Variants in NRG2 observed in about 807,000 individuals in gnomAD.
NRG2 encodes pro-neuregulin-2, membrane-bound isoform.
A neutral mutation model predicts 73.9 loss-of-function variants in NRG2; 27 were observed. The ratio of observed to expected loss-of-function variants is 0.37; its 90% confidence interval spans 0.27 to 0.50. The LOEUF (loss-of-function observed/expected upper bound fraction) is 0.50. Ranked by LOEUF, NRG2 falls within the 20% of genes least tolerant of loss-of-function variation. NRG2 has a pLI of 0.96. For missense variants in NRG2, 1,126 were observed against 1,210.1 expected (o/e 0.93, Z 1.03); for synonymous variants, 532 against 541.0 (o/e 0.98, Z 0.23).
At chr5:140,025,812 G>A (rs777209679) in intron 1 of NRG2, among the ~76,000 whole-genome samples, 4 of 152,208 alleles carry the variant, frequency 2.6e-5, no homozygotes, top group Non-Finnish European at 5.9e-5. Flanking sequence ...AAAAGATAAA[G>A]AAGATACATC....
chr5:139,861,785 T>C (rs751186787), intron 5 of NRG2: 2 of 513,372 alleles, frequency 3.9e-6, no homozygotes, highest in Non-Finnish European at 7.8e-6. Flanking sequence ...CACCTCTCAC[T>C]GAGTAGTTAA....
At chr5:139,939,575 A>C (rs993876049) in intron 1 of NRG2, among the ~76,000 whole-genome samples, 1 of 152,122 alleles carries the variant, frequency 6.6e-6, no homozygotes, top group African/African-American at 2.4e-5. Flanking sequence ...ACATCTGGCC[A>C]GATTTCTTAA....
chr5:140,011,418 G>A (rs529249703), intron 1 of NRG2, among the ~76,000 whole-genome samples: 2 of 152,278 alleles, frequency 1.3e-5, no homozygotes, highest in African/African-American at 4.8e-5. Flanking sequence ...AGTGTGGGCT[G>A]GACCTACTGA....
rs962464140 is a variant in NRG2 at position 139,915,594 on chromosome 5, T to C, written c.701-28083A>G. Among the ~76,000 whole-genome samples the C allele has an allele frequency of 6.6e-6, 1 of 152,220 alleles. No homozygotes were observed. Among genetic ancestry groups the C allele is most frequent in the African/African-American group, 2.4e-5 (1 of 41,456 alleles). On this transcript the variant is annotated intron_variant, in intron 1 of 9. Coordinates refer to ENST00000361474, the MANE Select transcript of NRG2 (RefSeq NM_004883.3). The surrounding 1 kb of genome is among the most constrained non-coding windows in gnomAD (Gnocchi z 4.0). ...TTCCCAGTACTGCACTCTGACCAGG[T>C]GTCAGGCTGCACTGCCTGATCTACA...
At chr5:139,958,500 T>C (rs904402895) in intron 1 of NRG2, among the ~76,000 whole-genome samples, 1 of 152,224 alleles carries the variant, frequency 6.6e-6, no homozygotes, top group African/African-American at 2.4e-5. Context: ...AAGGAAAACA[T>C]AACTATGTTG....
Position 139,904,269 on chromosome 5 carries a change from A to G in NRG2, c.701-16758T>C. The G allele has an allele frequency of 2.5e-6, 4 of 1,576,886 alleles. No individual in the cohort carries two copies. Among genetic ancestry groups the G allele is most frequent in the Non-Finnish European group, 3.4e-6 (4 of 1,170,218 alleles). ...GGTGAGCGGGCGGCAGGTTTCTCCC[A>G]GGGAAACCGGGTTTCTGGGCGCGCG... On this transcript the variant is annotated intron_variant, in intron 1 of 9. Coordinates refer to ENST00000361474, the MANE Select transcript of NRG2 (RefSeq NM_004883.3). This position sits in a 1 kb window ranked among gnomAD's most constrained non-coding sequence, Gnocchi z 6.0.
intron 5 of NRG2, 87 bp from the exon 6 acceptor site, chr5:139,855,865 C>A: frequency 9.9e-7 from 1 of 1,015,102 alleles, no homozygotes; most frequent in South Asian, 1.3e-5. Flanking sequence ...CCCCCAAAGC[C>A]ATAGGCTCTC....
intron 3 of NRG2, among the ~76,000 whole-genome samples, chr5:139,878,281 C>T (rs533626620): frequency 6.6e-6 from 1 of 152,372 alleles, no homozygotes; most frequent in South Asian, 2.1e-4. Flanking sequence ...GCAAAGATGG[C>T]CCCACCCTCC....
At chr5:139,927,410 A>C (rs1752137789) in intron 1 of NRG2, among the ~76,000 whole-genome samples, 1 of 151,774 alleles carries the variant, frequency 6.6e-6, no homozygotes, top group African/African-American at 2.4e-5. Context: ...CCCTTCCCCC[A>C]CTGCACTTAA....
rs1194987640 is a variant in NRG2 at position 139,848,602 on chromosome 5, G to T, written c.1868C>A (p.Pro623His). 6.3e-7 allele frequency: 1 copy of T among 1,576,064 alleles called. No homozygotes were observed. ...CAGCGACACGGCGTGCGCCGAGTTG[G>T]GGGACGTGATCTCGAAAGTTGGCAC... Reference protein sequence around the residue: ...TQVPTFEITSPNSAHAVSLPP... With the variant: ...TQVPTFEITSHNSAHAVSLPP... The change falls in exon 10 of 10, where the codon CCC (proline) becomes CAC (histidine). Residue 623 changes from proline to histidine, a missense_variant. Transcript: ENST00000361474.
At chr5:139,859,852 C>T (rs761852998) in intron 5 of NRG2, 16 of 1,609,292 alleles carry the variant, frequency 9.9e-6, no homozygotes, top group South Asian at 8.9e-5. Context: ...AGAGGGGCCA[C>T]GCAGATGGTG....
Position 139,851,764 on chromosome 5 carries a change from T to C in NRG2, c.1612A>G (p.Met538Val), listed in dbSNP as rs996667373. Reference sequence around the variant, plus strand: ...TTGCTGGTACCCACTGATGATAGCATGATCCCCGACTGGGAGTCAGAAGTC... The same window carrying C: ...TTGCTGGTACCCACTGATGATAGCACGATCCCCGACTGGGAGTCAGAAGTC... ...SLTSDSQSGI[M>V]LSSVGTSKCN... Residue 538 changes from methionine to valine, a missense_variant, in exon 9 of 10, where the codon ATG becomes GTG. Met to Val is a conservative substitution (Grantham distance 21, BLOSUM62 1). Coordinates refer to ENST00000361474, the MANE Select transcript of NRG2 (RefSeq NM_004883.3). The surrounding 1 kb of genome is among the most constrained non-coding windows in gnomAD (Gnocchi z 4.2). 6.2e-7 allele frequency: 1 copy of C among 1,614,248 alleles called. No homozygotes were observed. The highest frequency in any genetic ancestry group is 1.3e-5 in the African/African-American group (1 of 75,058).
intron 1 of NRG2, among the ~76,000 whole-genome samples, chr5:139,940,132 A>T (rs1435213449): frequency 1.3e-5 from 2 of 152,234 alleles, no homozygotes; most frequent in Non-Finnish European, 2.9e-5. Flanking sequence ...GAACATGTCC[A>T]CACAAAGATT....
At chr5:139,997,114 C>A (rs1266981040) in intron 1 of NRG2, among the ~76,000 whole-genome samples, 6 of 151,960 alleles carry the variant, frequency 3.9e-5, no homozygotes, top group Non-Finnish European at 8.8e-5. Context: ...TGCACACCAG[C>A]CTGGGCAACC....
At chr5:139,929,525 C>T (rs963745576) in intron 1 of NRG2, among the ~76,000 whole-genome samples, 1 of 152,044 alleles carries the variant, frequency 6.6e-6, no homozygotes, top group Non-Finnish European at 1.5e-5. Flanking sequence ...CTAGGGGATG[C>T]AAGAGAATAG....
Position 139,865,480 on chromosome 5 carries a change from T to C in NRG2, c.1189+69A>G. ...AACCAACACCCCTGGCCCTATGCCC[T>C]ACATTGGGGGGACTGCACCCAGAAG... On this transcript the variant is annotated intron_variant, in intron 5 of 9. Coordinates refer to ENST00000361474, the MANE Select transcript of NRG2 (RefSeq NM_004883.3). This position sits in a 1 kb window ranked among gnomAD's most constrained non-coding sequence, Gnocchi z 5.2. 8.4e-7 allele frequency: 1 copy of C among 1,187,608 alleles called. No homozygotes were observed. Among genetic ancestry groups the C allele is most frequent in the African/African-American group, 1.5e-5 (1 of 65,638 alleles). 73.6% of individuals were successfully genotyped at this position (1,187,608 alleles called of 1,614,324 possible).
chr5:139,911,247 A>C (rs1750796602), intron 1 of NRG2, among the ~76,000 whole-genome samples: 2 of 152,110 alleles, frequency 1.3e-5, no homozygotes, highest in South Asian at 4.1e-4. Context: ...CCCTTGGGTA[A>C]GTACTTTTCT....
At chr5:139,913,421 G>A (rs993855335) in intron 1 of NRG2, among the ~76,000 whole-genome samples, 1 of 152,172 alleles carries the variant, frequency 6.6e-6, no homozygotes, top group Non-Finnish European at 1.5e-5. Context: ...TTGGGTTTCC[G>A]ACTGATGTCC....
intron 1 of NRG2, among the ~76,000 whole-genome samples, chr5:139,964,299 C>T (rs549433608): frequency 2.0e-5 from 3 of 152,090 alleles, no homozygotes; most frequent in South Asian, 4.2e-4. Context: ...ATCTCCTTTC[C>T]GGCCTAAAGA....
Sources: gnomAD v4.1 joint callset for allele counts (sites outside exome capture counted in the v4.1 genomes callset) on GRCh38, gnomAD v4.1.1 for gene constraint, Gnocchi (gnomAD v3.1) non-coding constraint, MANE v1.5 for transcripts, NCBI Gene and HGNC (gene_info 2026-07-23, HGNC 2026-07-21) for gene names.